The following MTUS2 variants were observed in gnomAD, a reference collection of about 807,000 sequenced individuals.
MTUS2 encodes microtubule-associated tumor suppressor candidate 2.
Under a neutral mutation model 114.1 loss-of-function variants are expected in MTUS2, and 40 were observed. The ratio of observed to expected loss-of-function variants is 0.35; its 90% CI spans 0.27 to 0.46. The LOEUF is 0.46. MTUS2 is among the 20% of genes least tolerant of loss of function. The pLI is 1.00. For synonymous variants in MTUS2, 688 were observed against 672.0 expected, an observed-to-expected ratio of 1.02 and a Z score of -0.37; for missense variants, 1,679 against 1,705.4, an observed-to-expected ratio of 0.98 and a Z score of 0.27.
At chr13:29,468,264 CA>C (rs1467446037) in intron 9 of MTUS2, among the ~76,000 whole-genome samples, 2 of 151,458 alleles carry the variant, frequency 1.3e-5, no homozygotes, top group African/African-American at 2.4e-5. Flanking sequence ...GGCAGAATAA[CA>C]ATATTTTTAT....
At chr13:28,850,966 G>T (rs1464528356) in intron 2 of MTUS2, among the ~76,000 whole-genome samples, 1 of 152,174 alleles carries the variant, frequency 6.6e-6, no homozygotes, top group African/African-American at 2.4e-5. Flanking sequence ...GTGTGCAGCT[G>T]AGTGTATCTC....
At chr13:29,457,218 G>T (rs564839198) in intron 9 of MTUS2, among the ~76,000 whole-genome samples, 1 of 151,800 alleles carries the variant, frequency 6.6e-6, no homozygotes, top group Non-Finnish European at 1.5e-5. Flanking sequence ...GAGAAGTTTG[G>T]GCTATGAATA....
chr13:28,889,779 T>A (rs1191167159), intron 2 of MTUS2, among the ~76,000 whole-genome samples: 2 of 151,812 alleles, frequency 1.3e-5, no homozygotes, highest in Non-Finnish European at 2.9e-5. Flanking sequence ...TCCCTAAGAG[T>A]AGCAATTAGA....
At chr13:29,069,798 G>GT (rs1888829552) in intron 4 of MTUS2, among the ~76,000 whole-genome samples, 1 of 152,142 alleles carries the variant, frequency 6.6e-6, no homozygotes, top group South Asian at 2.1e-4. Flanking sequence ...AATTGTGTTT[G>GT]TTTTTTAAAA....
intron 8 of MTUS2, among the ~76,000 whole-genome samples, chr13:29,372,786 A>G (rs1055982536): frequency 2.6e-5 from 4 of 152,182 alleles, no homozygotes; most frequent in African/African-American, 7.2e-5. Flanking sequence ...CATTACTTAT[A>G]TGAAGACCCA....
At chr13:28,886,076 C>T (rs1878575116) in intron 2 of MTUS2, among the ~76,000 whole-genome samples, 1 of 152,112 alleles carries the variant, frequency 6.6e-6, no homozygotes, top group Non-Finnish European at 1.5e-5. Context: ...TGGCACAGAA[C>T]AGCAGAGGCC....
intron 8 of MTUS2, among the ~76,000 whole-genome samples, chr13:29,436,385 C>T (rs1267749524): frequency 6.6e-6 from 1 of 152,060 alleles, no homozygotes; most frequent in Non-Finnish European, 1.5e-5. Context: ...GAAATAAGAC[C>T]CGGGATGCTC....
chr13:29,107,795 A>C (rs1890730408), intron 5 of MTUS2, among the ~76,000 whole-genome samples: 1 of 152,220 alleles, frequency 6.6e-6, no homozygotes, highest in Non-Finnish European at 1.5e-5. Context: ...TGAGGAGGTT[A>C]GATATTCTCA....
intron 4 of MTUS2, among the ~76,000 whole-genome samples, chr13:29,089,487 A>G (rs1341026602): frequency 6.6e-6 from 1 of 152,128 alleles, no homozygotes; most frequent in African/African-American, 2.4e-5. Flanking sequence ...TTTTGGATTT[A>G]TATGTCAACC....
chr13:29,434,347 G>A (rs1012346177), intron 8 of MTUS2, among the ~76,000 whole-genome samples: 11 of 152,252 alleles, frequency 7.2e-5, no homozygotes, highest in African/African-American at 2.6e-4. Flanking sequence ...GGTGCTCTCT[G>A]CATATGCTGC....
At chr13:29,286,201 C>T (rs1431197424) in intron 6 of MTUS2, among the ~76,000 whole-genome samples, 1 of 152,222 alleles carries the variant, frequency 6.6e-6, no homozygotes, top group African/African-American at 2.4e-5. Flanking sequence ...GCTGGGATTA[C>T]AGGCATGAGC....
chr13:29,314,946 TAAAGA>T (rs1246838413), intron 6 of MTUS2, among the ~76,000 whole-genome samples: 2 of 152,216 alleles, frequency 1.3e-5, no homozygotes, highest in African/African-American at 4.8e-5. Flanking sequence ...GATGAATGAA[TAAAGA>T]AAACGTGGTA....
intron 2 of MTUS2, among the ~76,000 whole-genome samples, chr13:28,909,928 T>C (rs935336735): frequency 2.6e-5 from 4 of 152,226 alleles, no homozygotes; most frequent in African/African-American, 9.6e-5. Flanking sequence ...TAAGTATATA[T>C]ATTTATGGGC....
chr13:29,440,184 C>A, intron 9 of MTUS2, 135 bp downstream of exon 9: 1 of 817,326 alleles, frequency 1.2e-6, no homozygotes. Flanking sequence ...TCTCACCCAG[C>A]ACAGTGGTGG....
At chr13:29,373,509 C>T (rs1357842767) in intron 8 of MTUS2, among the ~76,000 whole-genome samples, 1 of 152,104 alleles carries the variant, frequency 6.6e-6, no homozygotes, top group East Asian at 1.9e-4. Flanking sequence ...TTTTTGAACC[C>T]CTGGGCTCAC....
chr13:29,495,412 G>T (rs935812195), intron 12 of MTUS2, among the ~76,000 whole-genome samples: 1 of 148,748 alleles, frequency 6.7e-6, no homozygotes, highest in Admixed American at 6.7e-5. Flanking sequence ...CAAAAAAGAG[G>T]AAAAGAAACC....
chr13:28,842,440 T>A (rs1030206715), intron 2 of MTUS2, among the ~76,000 whole-genome samples: 9 of 152,214 alleles, frequency 5.9e-5, no homozygotes, highest in African/African-American at 2.2e-4. Flanking sequence ...TCATGTTTCC[T>A]TATCTTTCAG....
intron 6 of MTUS2, among the ~76,000 whole-genome samples, chr13:29,311,119 A>G (rs1323327283): frequency 6.6e-6 from 1 of 152,240 alleles, no homozygotes; most frequent in Non-Finnish European, 1.5e-5. Flanking sequence ...TTGCAAGACC[A>G]CAGAATCCAG....
chr13:29,365,490 A>G (rs1486964176), intron 8 of MTUS2, among the ~76,000 whole-genome samples: 3 of 22,894 alleles, frequency 1.3e-4, no homozygotes, highest in Non-Finnish European at 4.0e-4. Flanking sequence ...TTTGTCATCA[A>G]TACGTTTTTT....
Sources: allele counts gnomAD v4.1 joint callset (sites outside exome capture counted in the v4.1 genomes callset), GRCh38; gene constraint gnomAD v4.1.1; transcripts MANE v1.5; gene names NCBI Gene and HGNC (gene_info 2026-07-23, HGNC 2026-07-21).